The following QTMAN variants were observed in gnomAD, a reference collection of about 807,000 sequenced individuals.
QTMAN encodes the protein queuosine-tRNA mannosyltransferase, also known as tRNA-queuosine alpha-mannosyltransferase.
chr2:144,183,323 G>C, the QTMAN span, among the ~76,000 whole-genome samples: 1 of 151,892 alleles, frequency 6.6e-6, no homozygotes, highest in African/African-American at 2.4e-5. Flanking sequence ...GCATCATATA[G>C]GTCTGTCTCC....
At chr2:144,085,505 A>C in the QTMAN span, among the ~76,000 whole-genome samples, 1 of 152,204 alleles carries the variant, frequency 6.6e-6, no homozygotes, top group African/African-American at 2.4e-5. Context: ...TTAGAGGGTA[A>C]GAAAAGGAAG....
At chr2:144,284,752 G>A in the QTMAN span, among the ~76,000 whole-genome samples, 1 of 151,958 alleles carries the variant, frequency 6.6e-6, no homozygotes, top group Non-Finnish European at 1.5e-5. Context: ...GGTGTTAAGG[G>A]CCAGACACAG....
At chr2:144,123,233 CCAAT>C in the QTMAN span, among the ~76,000 whole-genome samples, 1 of 152,070 alleles carries the variant, frequency 6.6e-6, no homozygotes, top group East Asian at 1.9e-4. Flanking sequence ...CCAAATTTTC[CCAAT>C]CATATTATCA....
chr2:144,275,240 C>G, the QTMAN span, among the ~76,000 whole-genome samples: 1 of 151,872 alleles, frequency 6.6e-6, no homozygotes, highest in African/African-American at 2.4e-5. Context: ...AAAAATTAGC[C>G]AGGCGTGGTG....
the QTMAN span, among the ~76,000 whole-genome samples, chr2:144,332,227 C>G: frequency 6.6e-6 from 1 of 151,762 alleles, no homozygotes; most frequent in African/African-American, 2.4e-5. Context: ...GCAGGGAGCG[C>G]AGCGCGTGCG....
the QTMAN span, among the ~76,000 whole-genome samples, chr2:144,062,879 T>C: frequency 6.6e-6 from 1 of 152,156 alleles, no homozygotes; most frequent in Non-Finnish European, 1.5e-5. Context: ...GAGAAATTCA[T>C]TCTTTGTGGC....
chr2:144,219,129 T>A, the QTMAN span, among the ~76,000 whole-genome samples: 3 of 152,120 alleles, frequency 2.0e-5, no homozygotes, highest in Non-Finnish European at 4.4e-5. Context: ...ACCTTTTTTT[T>A]AATTCTTCTT....
chr2:144,196,010 C>T, the QTMAN span, among the ~76,000 whole-genome samples: 1 of 151,962 alleles, frequency 6.6e-6, no homozygotes, highest in Admixed American at 6.6e-5. Context: ...AGCAGTGATC[C>T]TCTTACAAAA....
At chr2:144,127,640 G>C in the QTMAN span, among the ~76,000 whole-genome samples, 2 of 152,000 alleles carry the variant, frequency 1.3e-5, no homozygotes, top group East Asian at 1.9e-4. Context: ...AAGTGAAACA[G>C]AGGAGTAGGT....
the QTMAN span, chr2:144,317,675 A>G: frequency 6.6e-6 from 1 of 152,220 alleles, no homozygotes; most frequent in Non-Finnish European, 1.5e-5. Context: ...ATGAGAACTC[A>G]TCAGACAAGG....
At chr2:144,172,344 G>C in the QTMAN span, among the ~76,000 whole-genome samples, 1 of 152,014 alleles carries the variant, frequency 6.6e-6, no homozygotes, top group African/African-American at 2.4e-5. Flanking sequence ...TTAAGGGCCA[G>C]GCACGGAAGT....
the QTMAN span, among the ~76,000 whole-genome samples, chr2:144,161,642 T>C: frequency 6.6e-6 from 1 of 152,092 alleles, no homozygotes; most frequent in Non-Finnish European, 1.5e-5. Context: ...AAATTGTAAA[T>C]GAAAAATCCA....
chr2:144,285,198 T>A, the QTMAN span, among the ~76,000 whole-genome samples: 2 of 152,206 alleles, frequency 1.3e-5, no homozygotes, highest in African/African-American at 4.8e-5. Flanking sequence ...CTTCCAGAAT[T>A]CCTTCTTAGG....
the QTMAN span, among the ~76,000 whole-genome samples, chr2:144,194,965 T>C: frequency 5.2e-4 from 79 of 152,264 alleles, no homozygotes; most frequent in South Asian, 1.7e-3. Context: ...CAACATAATA[T>C]TTCAGATTTT....
At chr2:144,327,281 T>C in the QTMAN span, among the ~76,000 whole-genome samples, 1 of 150,554 alleles carries the variant, frequency 6.6e-6, no homozygotes, top group East Asian at 2.0e-4. Context: ...GCCTTTGCAA[T>C]ATCCATTATA....
chr2:144,219,343 C>T, the QTMAN span, among the ~76,000 whole-genome samples: 1 of 152,134 alleles, frequency 6.6e-6, no homozygotes, highest in Non-Finnish European at 1.5e-5. Context: ...GTTGGCCAGG[C>T]TGGTCTCGAA....
At chr2:144,007,670 A>G in the QTMAN span, 1 of 598,762 alleles carries the variant, frequency 1.7e-6, no homozygotes. Flanking sequence ...AAATTCCAGA[A>G]AAAGTGTAAA....
chr2:144,199,245 C>CA, the QTMAN span, among the ~76,000 whole-genome samples: 2 of 152,152 alleles, frequency 1.3e-5, no homozygotes, highest in African/African-American at 4.8e-5. Context: ...GGCAGGGTTT[C>CA]ACCATGTTGG....
the QTMAN span, among the ~76,000 whole-genome samples, chr2:144,073,294 A>G: frequency 6.6e-6 from 1 of 150,878 alleles, no homozygotes; most frequent in Non-Finnish European, 1.5e-5. Flanking sequence ...TAAACTGAAT[A>G]TCCTGGCAAT....
Sources: allele counts gnomAD v4.1 joint callset (sites outside exome capture counted in the v4.1 genomes callset), GRCh38; gene constraint gnomAD v4.1.1; transcripts MANE v1.5; gene names NCBI Gene and HGNC (gene_info 2026-07-23, HGNC 2026-07-21).